Variants in CDH13 observed in about 807,000 individuals in gnomAD.
The protein encoded by CDH13 is cadherin 13.
Under a neutral mutation model 63.8 loss-of-function variants are expected in CDH13, and 24 were observed. The observed-to-expected ratio is 0.38, with a 90% confidence interval of 0.27 to 0.53. CDH13 has a LOEUF of 0.53. Ranked by LOEUF, CDH13 falls within the 20% of genes least tolerant of loss-of-function variation. The pLI, the probability that CDH13 is intolerant of heterozygous loss-of-function variation, is 0.85. For synonymous variants in CDH13, 503 were observed against 355.3 expected (o/e 1.42, Z -4.67); for missense variants, 1,049 against 903.1 (o/e 1.16, Z -2.07).
At chr16:82,664,074 G>A (rs971098555) in intron 1 of CDH13, among the ~76,000 whole-genome samples, 4 of 152,298 alleles carry the variant, frequency 2.6e-5, no homozygotes, top group Admixed American at 6.5e-5. Flanking sequence ...TTACTTACTC[G>A]TCCCTACCTC....
At chr16:83,203,291 G>A (rs759910584) in intron 4 of CDH13, among the ~76,000 whole-genome samples, 2 of 152,092 alleles carry the variant, frequency 1.3e-5, no homozygotes, top group Non-Finnish European at 2.9e-5. Flanking sequence ...CACTATCTGT[G>A]TGATGGGATA....
At chr16:82,873,792 C>A (rs907240992) in intron 2 of CDH13, among the ~76,000 whole-genome samples, 9 of 152,068 alleles carry the variant, frequency 5.9e-5, no homozygotes, top group African/African-American at 2.2e-4. Context: ...TGGATGCCCA[C>A]CAAAGATGAC....
At chr16:83,333,870 G>A (rs568852454) in intron 5 of CDH13, among the ~76,000 whole-genome samples, 1 of 152,230 alleles carries the variant, frequency 6.6e-6, no homozygotes, top group East Asian at 1.9e-4. Context: ...AATAAATTAT[G>A]TGGCCACTGT....
intron 2 of CDH13, among the ~76,000 whole-genome samples, chr16:82,892,265 A>T (rs1177298062): frequency 6.6e-6 from 1 of 152,176 alleles, no homozygotes; most frequent in Non-Finnish European, 1.5e-5. Flanking sequence ...AAAACACTCA[A>T]TAAGAATTTG....
At chr16:83,011,142 G>C (rs887188323) in intron 2 of CDH13, among the ~76,000 whole-genome samples, 1 of 152,186 alleles carries the variant, frequency 6.6e-6, no homozygotes, top group Non-Finnish European at 1.5e-5. Context: ...GCAGGACAAA[G>C]TAGTAAGGGG....
chr16:83,790,632 C>T (rs902081387), intron 13 of CDH13, among the ~76,000 whole-genome samples: 12 of 152,024 alleles, frequency 7.9e-5, no homozygotes, highest in Non-Finnish European at 1.6e-4. Context: ...CTCGATCTCC[C>T]GACCTCGTGA....
At chr16:83,036,598 G>A (rs1490163543) in intron 3 of CDH13, among the ~76,000 whole-genome samples, 2 of 152,106 alleles carry the variant, frequency 1.3e-5, no homozygotes, top group Non-Finnish European at 2.9e-5. Flanking sequence ...CCAGCTCAGT[G>A]CCCTTCCCAC....
chr16:83,385,272 T>C (rs928094152), intron 6 of CDH13, among the ~76,000 whole-genome samples: 2 of 152,244 alleles, frequency 1.3e-5, no homozygotes. Flanking sequence ...AAGATCTTCA[T>C]GTTAATTCTA....
Position 83,798,042 on chromosome 16 carries a change from C to G in CDH13, c.*3012C>G, listed in dbSNP as rs1904291169. 1.3e-5 allele frequency: 2 copies of G among 152,158 alleles called. No individual in the cohort carries two copies. The highest frequency in any genetic ancestry group is 4.8e-5 in the African/African-American group (2 of 41,430). 9.4% of individuals were successfully genotyped at this position (152,158 alleles called of 1,614,324 possible). A position where few individuals can be genotyped will look rare whatever the true frequency, so the allele number is the denominator to read the frequency against. On this transcript the variant is annotated 3_prime_UTR_variant, in exon 14 of 14. Transcript: ENST00000567109. ...ATCTAAGCATTATAACGAAATAAAT[C>G]CAGCCAGATTTCATGGTAGGTATCA... is the stretch of plus-strand genomic sequence containing the variant.
At chr16:83,618,141 G>A (rs961430873) in intron 8 of CDH13, among the ~76,000 whole-genome samples, 1 of 134,236 alleles carries the variant, frequency 7.4e-6, no homozygotes, top group Non-Finnish European at 1.5e-5. Context: ...CAAAGCACTT[G>A]CGGCCAGGCA....
chr16:83,608,496 T>C (rs1002315430), intron 8 of CDH13, among the ~76,000 whole-genome samples: 1 of 152,102 alleles, frequency 6.6e-6, no homozygotes, highest in Non-Finnish European at 1.5e-5. Context: ...TTTTTGTTTT[T>C]TGAGACAGGT....
intron 5 of CDH13, among the ~76,000 whole-genome samples, chr16:83,307,836 T>G (rs141963994): frequency 6.6e-6 from 1 of 152,214 alleles, no homozygotes; most frequent in Non-Finnish European, 1.5e-5. Context: ...GGGGGAGTAA[T>G]TATTTGCCGG....
At chr16:83,211,658 TAAAATC>T (rs1256497955) in intron 4 of CDH13, among the ~76,000 whole-genome samples, 1 of 152,092 alleles carries the variant, frequency 6.6e-6, no homozygotes, top group Non-Finnish European at 1.5e-5. Flanking sequence ...AGAACACCCT[TAAAATC>T]AAATCAAGGA....
intron 2 of CDH13, among the ~76,000 whole-genome samples, chr16:82,929,107 C>G (rs551175522): frequency 6.6e-6 from 1 of 152,066 alleles, no homozygotes; most frequent in Non-Finnish European, 1.5e-5. Context: ...AAAAAATATG[C>G]TATCATTCCA....
At chr16:82,635,739 C>T (rs1908572907) in intron 1 of CDH13, among the ~76,000 whole-genome samples, 1 of 152,074 alleles carries the variant, frequency 6.6e-6, no homozygotes, top group Non-Finnish European at 1.5e-5. Context: ...GGTCTCTGTC[C>T]CCACCCAAAT....
At chr16:82,818,139 T>TGTGTGTGTGTGTGTGTGTG (rs1555523731) in intron 1 of CDH13, among the ~76,000 whole-genome samples, 1,905 of 151,356 alleles carry the variant, frequency 0.013, 37 homozygotes, top group African/African-American at 0.044. Context: ...TGTGTGTGTG[T>TGTGTGTGTGTGTGTGTGTG]TTTGGGAAGA....
intron 2 of CDH13, among the ~76,000 whole-genome samples, chr16:82,863,081 C>T (rs1299119514): frequency 2.0e-5 from 3 of 152,170 alleles, no homozygotes; most frequent in Admixed American, 6.5e-5. Flanking sequence ...TAGAAGAACA[C>T]ATGGGTATCG....
intron 7 of CDH13, among the ~76,000 whole-genome samples, chr16:83,514,599 C>G (rs957643238): frequency 6.6e-6 from 1 of 152,142 alleles, no homozygotes; most frequent in Admixed American, 6.5e-5. Context: ...AAGCCAAGAT[C>G]ATACCACTGC....
chr16:82,872,815 C>A (rs1395874929), intron 2 of CDH13, among the ~76,000 whole-genome samples: 1 of 152,152 alleles, frequency 6.6e-6, no homozygotes, highest in Non-Finnish European at 1.5e-5. Context: ...ACTCATTTAG[C>A]CAACTATAGA....
Sources: gnomAD v4.1 joint callset for allele counts (sites outside exome capture counted in the v4.1 genomes callset) on GRCh38, gnomAD v4.1.1 for gene constraint, MANE v1.5 for transcripts, NCBI Gene and HGNC (gene_info 2026-07-23, HGNC 2026-07-21) for gene names.